The following ADGRB1 variants were observed in gnomAD, a reference collection of about 807,000 sequenced individuals.
ADGRB1 encodes the protein adhesion G protein-coupled receptor B1, also known as brain-specific angiogenesis inhibitor 1.
A neutral mutation model predicts 175.7 loss-of-function variants in ADGRB1; 36 were observed. The ratio of observed to expected loss-of-function variants is 0.20; its 90% CI spans 0.16 to 0.27. ADGRB1 has a LOEUF of 0.27. Ranked by LOEUF, ADGRB1 falls within the 10% of genes least tolerant of loss-of-function variation. ADGRB1 has a pLI of 1.00. For missense variants in ADGRB1, 1,731 were observed against 2,255.3 expected (o/e 0.77, Z 4.71); for synonymous variants, 1,054 against 979.4 (o/e 1.08, Z -1.42).
rs1020328080 is a variant in ADGRB1 at position 142,475,633 on chromosome 8, G to C, written c.944G>C (p.Gly315Ala). The change falls in exon 3 of 31, where the codon GGC becomes GCC. Residue 315 changes from glycine to alanine, a missense_variant and splice_region_variant. Physicochemically the swap from Gly to Ala is moderately conservative, Grantham distance 60. Around this residue, in one of 8 missense-constraint regions of ADGRB1, gnomAD observed 178 missense variants for 227.8 expected, o/e 0.78. Coordinates refer to ENST00000517894, the MANE Select transcript of ADGRB1 (RefSeq NM_001702.3). ...EGRQCNREAC[G>A]PAGRTSSRSQ... ...CGCCAGTGCAACCGCGAGGCCTGCG[G>C]CCGTGAGTGCGGGCGGGGCGGGGCG... The C allele has an allele frequency of 4.9e-6, 6 of 1,229,880 alleles. No homozygotes were observed. The highest frequency in any genetic ancestry group is 6.1e-6 in the Non-Finnish European group (6 of 986,530). 76.2% of individuals were successfully genotyped at this position (1,229,880 alleles called of 1,614,324 possible). A position where few individuals can be genotyped will look rare whatever the true frequency, so the allele number is the denominator to read the frequency against.
rs1222186079 is a variant in ADGRB1 at position 142,474,126 on chromosome 8, A to G, written c.785-1348A>G. On this transcript the variant is annotated intron_variant, in intron 2 of 30. Coordinates refer to ENST00000517894, the MANE Select transcript of ADGRB1 (RefSeq NM_001702.3). This position sits in a 1 kb window ranked among gnomAD's most constrained non-coding sequence, Gnocchi z 5.8. ...GCCACTGGGGGAATCTGGCAGCTGG[A>G]GCTACCCTGGGGTCTCCTGCAGTCC... Among the ~76,000 whole-genome samples, 1 of 152,072 alleles carries G rather than the reference A, an allele frequency of 6.6e-6. No homozygotes were observed. Among genetic ancestry groups the G allele is most frequent in the Non-Finnish European group, 1.5e-5 (1 of 68,004 alleles).
At chr8:142,516,744 C>T (rs1013340963) in intron 18 of ADGRB1, among the ~76,000 whole-genome samples, 1 of 151,932 alleles carries the variant, frequency 6.6e-6, no homozygotes, top group Non-Finnish European at 1.5e-5. Flanking sequence ...GTGTGGGTCC[C>T]AGGTGCGTGT....
At chr8:142,495,738 C>T (rs565629763) in intron 17 of ADGRB1, among the ~76,000 whole-genome samples, 2 of 152,194 alleles carry the variant, frequency 1.3e-5, no homozygotes, top group South Asian at 2.1e-4. Context: ...TCTGTGCCCC[C>T]CCGCCAAACC....
At chr8:142,521,621 C>T (rs992267683) in intron 20 of ADGRB1, among the ~76,000 whole-genome samples, 5 of 152,254 alleles carry the variant, frequency 3.3e-5, no homozygotes, top group East Asian at 3.8e-4. Flanking sequence ...GTCCTTGGGG[C>T]GTGACGTGCC....
In ADGRB1 at chr8:142,542,358, C is replaced by A. The variant is rs768339562; in HGVS notation, c.4124C>A (p.Thr1375Asn). Residue 1375 changes from threonine to asparagine, a missense_variant, in exon 28 of 31, where the codon ACC (threonine) becomes AAC (asparagine). This residue lies in a region of ADGRB1 where 394 missense variants were observed against 410.2 expected (regional missense o/e 0.96). Coordinates refer to ENST00000517894, the MANE Select transcript of ADGRB1 (RefSeq NM_001702.3). This position sits in a 1 kb window ranked among gnomAD's most constrained non-coding sequence, Gnocchi z 6.3. The part of the protein sequence containing the change: ...YSIHIDQMPQ[T>N]RLIHLSTAPE... Reference sequence around the variant, plus strand: ...ATCCACATTGACCAGATGCCGCAGACCCGCCTCATCCACCTCAGCACGGCC... The same window carrying A: ...ATCCACATTGACCAGATGCCGCAGAACCGCCTCATCCACCTCAGCACGGCC... The A allele has an allele frequency of 1.3e-6, 2 of 1,590,558 alleles. No homozygotes were observed. Among genetic ancestry groups the A allele is most frequent in the Non-Finnish European group, 1.7e-6 (2 of 1,168,086 alleles).
At chr8:142,515,904 C>T (rs1843385975) in intron 18 of ADGRB1, among the ~76,000 whole-genome samples, 1 of 152,246 alleles carries the variant, frequency 6.6e-6, no homozygotes, top group Admixed American at 6.5e-5. Flanking sequence ...TCCCATCTTG[C>T]CCTCCCAGAG....
chr8:142,543,364 G>A lies in ADGRB1; in HGVS notation c.4414-39G>A, dbSNP rs1345703835. ...CAGGGAGAGGCGTGGACTTGTCAGG[G>A]ACCCTTGGCGAATGTTCGCAAACCC... is the stretch of plus-strand genomic sequence containing the variant. On this transcript the variant is annotated intron_variant, in intron 28 of 30. Transcript: ENST00000517894. The surrounding 1 kb of genome is among the most constrained non-coding windows in gnomAD (Gnocchi z 4.4). 1 of 1,612,706 alleles carries A rather than the reference G, an allele frequency of 6.2e-7. No individual in the cohort carries two copies. The highest frequency in any genetic ancestry group is 1.7e-5 in the Admixed American group (1 of 59,910).
chr8:142,490,000 C>A (rs1271268353), intron 16 of ADGRB1, among the ~76,000 whole-genome samples: 1 of 152,204 alleles, frequency 6.6e-6, no homozygotes, highest in Non-Finnish European at 1.5e-5. Flanking sequence ...GGAGTAGGGG[C>A]CGAGATGCCC....
intron 1 of ADGRB1, among the ~76,000 whole-genome samples, chr8:142,451,856 A>T (rs1839370309): frequency 6.6e-6 from 1 of 152,134 alleles, no homozygotes; most frequent in South Asian, 2.1e-4. Context: ...GCTGCCGAGG[A>T]GGCAACGAGG....
At position 142,484,658 on chromosome 8, in the gene ADGRB1, G is replaced by C; in HGVS notation, c.2202G>C (p.Ala734=). ...CTGCTCACCCCCCTGCCCTCCAGGC[G>C]GGCCCCAACGCCAAGGAGCTGTTCC... ...NRDKWEEAQL[A]GPNAKELFRL... is the part of the protein sequence containing the mutation. The change falls in exon 13 of 31, where the codon GCG becomes GCC. Residue 734 remains alanine (A), a splice_region_variant and synonymous_variant. Transcript: ENST00000517894. 1 of 1,608,416 alleles carries C rather than the reference G, an allele frequency of 6.2e-7. No homozygotes were observed. The highest frequency in any genetic ancestry group is 8.5e-7 in the Non-Finnish European group (1 of 1,178,098).
At chr8:142,500,119 A>G (rs1214767460) in intron 17 of ADGRB1, among the ~76,000 whole-genome samples, 1 of 151,844 alleles carries the variant, frequency 6.6e-6, no homozygotes, top group Non-Finnish European at 1.5e-5. Context: ...ACAATGCAAG[A>G]CGCCAGTCCC....
chr8:142,524,321 G>A lies in ADGRB1; in HGVS notation c.3312+17G>A, dbSNP rs765513880. The A allele has an allele frequency of 1.3e-6, 2 of 1,580,140 alleles. No individual in the cohort carries two copies. Among genetic ancestry groups the A allele is most frequent in the South Asian group, 2.3e-5 (2 of 87,244 alleles). On this transcript the variant is annotated intron_variant, in intron 23 of 30. Transcript: ENST00000517894. ...GTTGTGCTGGTACTGACCCGCCCAG[G>A]CCCCACTCCCCACGACCCCACCTGG...
At position 142,464,255 on chromosome 8, in the gene ADGRB1, G is replaced by A. The variant is rs1338016336; in HGVS notation, c.57G>A (p.Leu19=). ...GPVWILAPLL[L]LLLLLGRRAR... ...TCTGGATCCTCGCCCCGCTGCTACTGCTGCTGCTGCTGCTGGGACGCCGCG... is the reference window on the plus strand; with the variant it reads ...TCTGGATCCTCGCCCCGCTGCTACTACTGCTGCTGCTGCTGGGACGCCGCG... Residue 19 remains leucine (L), a synonymous_variant, in exon 2 of 31, where the codon CTG becomes CTA. Transcript: ENST00000517894. 10 of 1,260,458 alleles carry A rather than the reference G, an allele frequency of 7.9e-6. No homozygotes were observed. The highest frequency in any genetic ancestry group is 7.5e-5 in the South Asian group (3 of 40,070). The allele number at this position is 1,260,458 out of a possible 1,614,324, so 78.1% of individuals were successfully genotyped here. A position where few individuals can be genotyped will look rare whatever the true frequency, so the allele number is the denominator to read the frequency against.
intron 9 of ADGRB1, among the ~76,000 whole-genome samples, chr8:142,480,610 G>T (rs1587302280): frequency 6.6e-6 from 1 of 152,232 alleles, no homozygotes; most frequent in Non-Finnish European, 1.5e-5. Flanking sequence ...GCGTGGCAGG[G>T]TCTCCCAGTG....
At chr8:142,491,395 C>T (rs954093305) in intron 17 of ADGRB1, among the ~76,000 whole-genome samples, 1 of 152,222 alleles carries the variant, frequency 6.6e-6, no homozygotes, top group Non-Finnish European at 1.5e-5. Flanking sequence ...AGCAGTCAGG[C>T]TGTGGGGTGC....
chr8:142,463,641 C>A (rs1270514585), intron 1 of ADGRB1, among the ~76,000 whole-genome samples: 1 of 152,242 alleles, frequency 6.6e-6, no homozygotes, highest in African/African-American at 2.4e-5. Context: ...CAGGCCAGGG[C>A]CCCCGGGAGC....
At chr8:142,480,175 G>C (rs1841256106) in intron 9 of ADGRB1, among the ~76,000 whole-genome samples, 1 of 152,208 alleles carries the variant, frequency 6.6e-6, no homozygotes, top group Non-Finnish European at 1.5e-5. Context: ...GGAGAAAGCA[G>C]GGCTCCACGG....
rs768032282 is a variant in ADGRB1 at position 142,489,454 on chromosome 8, G to A, written c.2631+16G>A. ...CATGTATAATGTGAGTGCCGTCCAC[G>A]TGCACACTCTGATGCCAGCAGAAAC... On this transcript the variant is annotated intron_variant, in intron 16 of 30. Transcript: ENST00000517894. 1.2e-5 allele frequency: 20 copies of A among 1,609,166 alleles called. No individual in the cohort carries two copies. Among genetic ancestry groups the A allele is most frequent in the Admixed American group, 3.3e-5 (2 of 60,014 alleles).
intron 1 of ADGRB1, among the ~76,000 whole-genome samples, chr8:142,458,375 C>T (rs998043974): frequency 2.0e-5 from 3 of 152,142 alleles, no homozygotes; most frequent in Non-Finnish European, 4.4e-5. Flanking sequence ...CGGCGGGAGG[C>T]GGGTGCAGTG....
Sources: gnomAD v4.1 joint callset for allele counts (sites outside exome capture counted in the v4.1 genomes callset) on GRCh38, gnomAD v4.1.1 for gene constraint, gnomAD v4.1.1 regional missense constraint, Gnocchi (gnomAD v3.1) non-coding constraint, MANE v1.5 for transcripts, NCBI Gene and HGNC (gene_info 2026-07-23, HGNC 2026-07-21) for gene names.